Variants in MAF observed in about 807,000 individuals in gnomAD.
MAF encodes MAF bZIP transcription factor.
In MAF, 10 loss-of-function variants were observed where a neutral mutation model predicts 22.0. The ratio of observed to expected loss-of-function variants is 0.45; its 90% confidence interval spans 0.28 to 0.77. MAF has a LOEUF of 0.77. Among genes scored for constraint, MAF ranks in the 30% least tolerant of loss-of-function variants. MAF has a pLI of 0.12. For synonymous variants in MAF, 337 were observed against 255.8 expected, an observed-to-expected ratio of 1.32 and a Z score of -3.03; for missense variants, 544 against 548.4, an observed-to-expected ratio of 0.99 and a Z score of 0.08.
At chr16:79,519,898 C>T in the MAF span, among the ~76,000 whole-genome samples, 1 of 152,238 alleles carries the variant, frequency 6.6e-6, no homozygotes, top group Non-Finnish European at 1.5e-5. Context: ...GCCCTCCTGG[C>T]ACGGCCATGT....
the MAF span, among the ~76,000 whole-genome samples, chr16:79,478,805 G>T: frequency 0.021 from 3,195 of 151,612 alleles, 110 homozygotes; most frequent in African/African-American, 0.074. Context: ...TACGATACCT[G>T]TGCACCACCC....
chr16:79,377,545 G>A, the MAF span, among the ~76,000 whole-genome samples: 1 of 152,200 alleles, frequency 6.6e-6, no homozygotes, highest in East Asian at 1.9e-4. Flanking sequence ...GATCCCATTT[G>A]TCAATTTTGG....
At chr16:79,249,817 T>G in the MAF span, among the ~76,000 whole-genome samples, 20 of 152,280 alleles carry the variant, frequency 1.3e-4, no homozygotes, top group South Asian at 6.2e-4. Flanking sequence ...AATTGCTTTT[T>G]TTGTTGTTGT....
the MAF span, among the ~76,000 whole-genome samples, chr16:79,458,238 T>C: frequency 6.6e-6 from 1 of 151,752 alleles, no homozygotes; most frequent in Non-Finnish European, 1.5e-5. Flanking sequence ...CAATTAGCTA[T>C]AATATTAGAG....
the MAF span, among the ~76,000 whole-genome samples, chr16:79,347,780 C>T: frequency 1.3e-5 from 2 of 152,144 alleles, no homozygotes; most frequent in Non-Finnish European, 2.9e-5. Context: ...TAACTCCTGT[C>T]TTAGGTACCA....
downstream of MAF, among the ~76,000 whole-genome samples, chr16:79,590,822 C>T (rs1432774611): frequency 6.6e-6 from 1 of 152,088 alleles, no homozygotes; most frequent in African/African-American, 2.4e-5. Flanking sequence ...CAGGTCCCTT[C>T]CTCTCCTCTG....
At chr16:79,234,134 G>A in the MAF span, among the ~76,000 whole-genome samples, 3 of 151,928 alleles carry the variant, frequency 2.0e-5, no homozygotes, top group African/African-American at 7.2e-5. Flanking sequence ...CATTCTCAAG[G>A]TGCCAGTGGC....
rs773219764 is a variant in MAF, at chr16:79,599,795, C to T, written c.108G>A (p.Pro36=). 6.2e-7 allele frequency: 1 copy of T among 1,613,082 alleles called. No individual in the cohort carries two copies. Among genetic ancestry groups the T allele is most frequent in the Non-Finnish European group, 8.5e-7 (1 of 1,179,932 alleles). The change falls in exon 1 of 2, where the codon CCG becomes CCA. Residue 36 remains proline, a synonymous_variant. Coordinates refer to ENST00000326043, the MANE Select transcript of MAF (RefSeq NM_005360.5). ...DLMKFEVKKE[P]VETDRIISQC... is the part of the protein sequence containing the mutation. Reference sequence around the variant, plus strand: ...GGCTGATGATGCGGTCGGTCTCCACCGGTTCCTTTTTCACTTCAAACTTCA... The same window carrying T: ...GGCTGATGATGCGGTCGGTCTCCACTGGTTCCTTTTTCACTTCAAACTTCA...
the MAF span, among the ~76,000 whole-genome samples, chr16:79,527,632 A>G: frequency 6.6e-6 from 1 of 151,920 alleles, no homozygotes; most frequent in Non-Finnish European, 1.5e-5. Flanking sequence ...TGATGATACA[A>G]TCATTAAGGG....
chr16:79,481,898 G>C, the MAF span, among the ~76,000 whole-genome samples: 1 of 152,138 alleles, frequency 6.6e-6, no homozygotes, highest in Non-Finnish European at 1.5e-5. Context: ...ACATAAGAAA[G>C]GCCACCATCG....
the MAF span, among the ~76,000 whole-genome samples, chr16:79,526,635 C>T: frequency 1.3e-5 from 2 of 152,138 alleles, no homozygotes; most frequent in Admixed American, 1.3e-4. Context: ...TTACAACAGG[C>T]TTTCCGGGGC....
the MAF span, among the ~76,000 whole-genome samples, chr16:79,337,467 C>A: frequency 6.6e-6 from 1 of 152,120 alleles, no homozygotes; most frequent in Non-Finnish European, 1.5e-5. Flanking sequence ...ACTCAGGAGG[C>A]TGAGGCAGAA....
At chr16:79,543,209 T>A in the MAF span, among the ~76,000 whole-genome samples, 1 of 152,168 alleles carries the variant, frequency 6.6e-6, no homozygotes. Flanking sequence ...GAGACAAAGG[T>A]AGGCGCGATC....
chr16:79,416,305 G>C, the MAF span, among the ~76,000 whole-genome samples: 1 of 152,126 alleles, frequency 6.6e-6, no homozygotes, highest in Non-Finnish European at 1.5e-5. Context: ...CATTCATTTA[G>C]CCATGAGTTA....
At chr16:79,273,294 T>A in the MAF span, among the ~76,000 whole-genome samples, 1 of 152,292 alleles carries the variant, frequency 6.6e-6, no homozygotes, top group East Asian at 1.9e-4. Context: ...GCTCAGACAG[T>A]GCAGGGAAAG....
chr16:79,303,552 C>T, the MAF span, among the ~76,000 whole-genome samples: 1 of 152,164 alleles, frequency 6.6e-6, no homozygotes, highest in Non-Finnish European at 1.5e-5. Context: ...CTTCTGGTAC[C>T]TGGAGAAATA....
the MAF span, among the ~76,000 whole-genome samples, chr16:79,569,251 C>G: frequency 2.8e-4 from 42 of 152,228 alleles, no homozygotes; most frequent in African/African-American, 8.2e-4. Flanking sequence ...TATCCCTCGT[C>G]TCAACCTCAC....
the MAF span, among the ~76,000 whole-genome samples, chr16:79,530,544 T>G: frequency 6.6e-6 from 1 of 152,236 alleles, no homozygotes; most frequent in Non-Finnish European, 1.5e-5. Flanking sequence ...TTATTCATTT[T>G]AAGTGTGTTT....
the MAF span, among the ~76,000 whole-genome samples, chr16:79,282,800 C>T: frequency 1.3e-5 from 2 of 152,216 alleles, no homozygotes; most frequent in South Asian, 2.1e-4. Context: ...AGTATTTTAT[C>T]GCCTGAGGAG....
Sources: allele counts gnomAD v4.1 joint callset (sites outside exome capture counted in the v4.1 genomes callset), GRCh38; gene constraint gnomAD v4.1.1; transcripts MANE v1.5; gene names NCBI Gene and HGNC (gene_info 2026-07-23, HGNC 2026-07-21).